Variants in CTNND2 observed in about 807,000 individuals in gnomAD.
The protein encoded by CTNND2 is catenin delta 2.
CTNND2 carries 22 observed loss-of-function variants against 144.4 expected under a neutral mutation model. That is an observed-to-expected ratio of 0.15 (90% confidence interval 0.11 to 0.22). The LOEUF (loss-of-function observed/expected upper bound fraction) is 0.22. CTNND2 is among the 10% of genes least tolerant of loss of function. The probability of loss-of-function intolerance (pLI) is 1.00; values close to 1 mark genes in which losing one functional copy is unlikely to be tolerated. For synonymous variants in CTNND2, 751 were observed against 695.6 expected (o/e 1.08, Z -1.25); for missense variants, 1,353 against 1,618.8 (o/e 0.84, Z 2.82).
chr5:11,880,567 G>C (rs113042978), intron 1 of CTNND2, among the ~76,000 whole-genome samples: 12 of 134,174 alleles, frequency 8.9e-5, no homozygotes, highest in African/African-American at 1.7e-4. Context: ...ACTGCTACTA[G>C]TACTACTACT....
chr5:10,991,940 C>T (rs954755101), intron 19 of CTNND2, among the ~76,000 whole-genome samples: 7 of 152,208 alleles, frequency 4.6e-5, no homozygotes, highest in East Asian at 1.9e-4. Context: ...TTTATTGAGA[C>T]GGAGTCTCAC....
intron 6 of CTNND2, among the ~76,000 whole-genome samples, chr5:11,393,881 C>T (rs31836): frequency 0.11 from 16,026 of 151,962 alleles, 2,049 homozygotes; most frequent in African/African-American, 0.3. Flanking sequence ...ACTGGCTCCT[C>T]ACTTCACTCC....
intron 9 of CTNND2, among the ~76,000 whole-genome samples, chr5:11,325,877 A>C (rs1752475030): frequency 6.6e-6 from 1 of 152,004 alleles, no homozygotes; most frequent in Non-Finnish European, 1.5e-5. Context: ...CTGGCCATGG[A>C]GTGGTTCTCG....
intron 12 of CTNND2, among the ~76,000 whole-genome samples, chr5:11,158,494 A>T (rs2149765507): frequency 6.6e-6 from 1 of 152,294 alleles, no homozygotes; most frequent in South Asian, 2.1e-4. Flanking sequence ...TTGTCAGAGG[A>T]TTCCCATTCC....
At position 11,732,188 on chromosome 5, in the gene CTNND2, T is replaced by C; in HGVS notation, c.122A>G (p.Asp41Gly). Reference sequence around the variant, plus strand: ...AGAGGTGGTTTCTGTTTCAGAGCCATCCCCGTTGGAGGTGTTTAAGCCGGG... The same window carrying C: ...AGAGGTGGTTTCTGTTTCAGAGCCACCCCCGTTGGAGGTGTTTAAGCCGGG... ...LSPGLNTSNG[D>G]GSETETTSAI... The change falls in exon 2 of 22, where the codon GAT becomes GGT. Residue 41 changes from aspartate (D) to glycine (G), a missense_variant. Physicochemically the swap from Asp to Gly is moderately conservative, Grantham distance 94. Transcript: ENST00000304623. The C allele has an allele frequency of 6.2e-7, 1 of 1,613,990 alleles. No individual in the cohort carries two copies. Among genetic ancestry groups the C allele is most frequent in the Non-Finnish European group, 8.5e-7 (1 of 1,179,892 alleles).
chr5:11,452,680 C>T (rs1765402927), intron 3 of CTNND2, among the ~76,000 whole-genome samples: 1 of 152,116 alleles, frequency 6.6e-6, no homozygotes, highest in Admixed American at 6.5e-5. Context: ...GTAGCCTGTT[C>T]ACAAACAGGC....
intron 5 of CTNND2, among the ~76,000 whole-genome samples, chr5:11,402,639 G>A (rs904348422): frequency 3.3e-5 from 5 of 152,176 alleles, no homozygotes; most frequent in African/African-American, 1.2e-4. Context: ...AGCTCATTTG[G>A]AGGAGTTTCT....
intron 3 of CTNND2, among the ~76,000 whole-genome samples, chr5:11,514,673 G>A (rs1459865049): frequency 6.6e-6 from 1 of 152,186 alleles, no homozygotes; most frequent in Non-Finnish European, 1.5e-5. Flanking sequence ...CACAGGAGGT[G>A]TCATTTTAGG....
intron 16 of CTNND2, among the ~76,000 whole-genome samples, chr5:11,081,108 TCA>T (rs1749526081): frequency 1.6e-4 from 11 of 67,058 alleles, no homozygotes; most frequent in East Asian, 4.9e-4. Flanking sequence ...ACACACACAC[TCA>T]CACACACACA....
rs186528859 is a variant in CTNND2 at position 11,270,247 on chromosome 5, T to C, written c.1629-33424A>G. ...TCCCTTTACATTATTTCTTAAGTTC[T>C]AACACGTAACACACACACACATATA... is the stretch of plus-strand genomic sequence containing the variant. On this transcript the variant is annotated intron_variant, in intron 9 of 21. Transcript: ENST00000304623. Among the ~76,000 whole-genome samples, 15 of 152,222 alleles carry C rather than the reference T, an allele frequency of 9.9e-5. No individual in the cohort carries two copies. In the East Asian group the frequency reaches 1.2e-3, roughly 12 times the overall value.
At chr5:11,637,945 G>A (rs981099901) in intron 2 of CTNND2, among the ~76,000 whole-genome samples, 3 of 152,008 alleles carry the variant, frequency 2.0e-5, no homozygotes, top group Non-Finnish European at 4.4e-5. Flanking sequence ...AACGAATACC[G>A]TATCAGTCAT....
intron 8 of CTNND2, among the ~76,000 whole-genome samples, 184 bp from the exon 9 acceptor site, chr5:11,346,811 A>G (rs1202233729): frequency 6.6e-6 from 1 of 152,244 alleles, no homozygotes; most frequent in Non-Finnish European, 1.5e-5. Context: ...AATGATAATT[A>G]GCATGCCTAA....
At chr5:11,763,289 G>A (rs2126809193) in intron 1 of CTNND2, among the ~76,000 whole-genome samples, 1 of 152,178 alleles carries the variant, frequency 6.6e-6, no homozygotes, top group African/African-American at 2.4e-5. Flanking sequence ...AGCAGTGTGA[G>A]AAAGAACTAA....
At chr5:11,119,168 G>C (rs1753838308) in intron 12 of CTNND2, among the ~76,000 whole-genome samples, 1 of 152,162 alleles carries the variant, frequency 6.6e-6, no homozygotes, top group African/African-American at 2.4e-5. Context: ...CTTCAGGCCT[G>C]TTGTCAAATA....
chr5:11,399,641 A>G (rs531587088), intron 5 of CTNND2, among the ~76,000 whole-genome samples: 16 of 152,318 alleles, frequency 1.1e-4, no homozygotes, highest in African/African-American at 3.8e-4. Flanking sequence ...AGAATAATGA[A>G]ATCTCTTCAT....
At chr5:11,510,021 T>C (rs777446538) in intron 3 of CTNND2, among the ~76,000 whole-genome samples, 1 of 152,182 alleles carries the variant, frequency 6.6e-6, no homozygotes, top group Non-Finnish European at 1.5e-5. Context: ...AATCTCAACC[T>C]CCTGGGCTCA....
chr5:11,572,676 C>T (rs1325142771), intron 2 of CTNND2, among the ~76,000 whole-genome samples: 1 of 152,154 alleles, frequency 6.6e-6, no homozygotes, highest in African/African-American at 2.4e-5. Flanking sequence ...AGCAAATTAT[C>T]TATTTCCCCC....
chr5:10,986,129 T>C (rs1579953270), intron 20 of CTNND2, among the ~76,000 whole-genome samples: 1 of 152,372 alleles, frequency 6.6e-6, no homozygotes, highest in East Asian at 1.9e-4. Context: ...AGAGCAAAGC[T>C]GTTTAAGCCT....
chr5:11,428,854 T>C (rs1376250959), intron 3 of CTNND2, among the ~76,000 whole-genome samples: 2 of 152,236 alleles, frequency 1.3e-5, no homozygotes, highest in African/African-American at 2.4e-5. Context: ...TCATTTGGAA[T>C]AAGAACATTC....
Sources: allele counts gnomAD v4.1 joint callset (sites outside exome capture counted in the v4.1 genomes callset), GRCh38; gene constraint gnomAD v4.1.1; transcripts MANE v1.5; gene names NCBI Gene and HGNC (gene_info 2026-07-23, HGNC 2026-07-21).